The following PON2 variants were observed in gnomAD, a reference collection of about 807,000 sequenced individuals.
PON2 encodes the protein serum paraoxonase/arylesterase 2.
PON2 carries 27 observed loss-of-function variants against 36.6 expected under a neutral mutation model. The ratio of observed to expected loss-of-function variants is 0.74; its 90% confidence interval spans 0.54 to 1.02. The LOEUF (loss-of-function observed/expected upper bound fraction) is 1.02. Among genes scored for constraint, PON2 ranks in the 50% least tolerant of loss-of-function variants. The pLI is 0.00. For synonymous variants in PON2, 149 were observed against 156.3 expected, an observed-to-expected ratio of 0.95 and a Z score of 0.35; for missense variants, 363 against 421.1, an observed-to-expected ratio of 0.86 and a Z score of 1.21.
intron 2 of PON2, chr7:95,424,222 T>C: frequency 2.4e-6 from 1 of 422,736 alleles, no homozygotes; most frequent in East Asian, 4.9e-5. Context: ...CGGCCATACC[T>C]GACAAACAAT....
At chr7:95,411,343 G>C (rs1788917679) in intron 5 of PON2, among the ~76,000 whole-genome samples, 1 of 152,140 alleles carries the variant, frequency 6.6e-6, no homozygotes, top group African/African-American at 2.4e-5. Flanking sequence ...AAATGTTAGG[G>C]TTTGCCTTCT....
rs760124163 is a variant in PON2, at chr7:95,410,240, A to G, written c.495-139T>C. On this transcript the variant is annotated intron_variant, in intron 5 of 8. Transcript: ENST00000222572. ...AAAAGACGAGCTAAAAATCACGACTATAGTCATATACAATATACTATAATA... is the reference window on the plus strand; with the variant it reads ...AAAAGACGAGCTAAAAATCACGACTGTAGTCATATACAATATACTATAATA... The G allele has an allele frequency of 2.9e-5, 21 of 721,570 alleles. No individual in the cohort carries two copies. In the Admixed American group the frequency reaches 4.3e-4, roughly 15 times the overall value. 44.7% of individuals were successfully genotyped at this position (721,570 alleles called of 1,614,324 possible). A position where few individuals can be genotyped will look rare whatever the true frequency, so the allele number is the denominator to read the frequency against.
intron 3 of PON2, chr7:95,412,724 T>C: frequency 4.0e-6 from 2 of 506,106 alleles, no homozygotes; most frequent in Non-Finnish European, 7.1e-6. Flanking sequence ...AGAAGGTTGG[T>C]GGACTAGGTG....
At position 95,409,904 on chromosome 7, in the gene PON2, T is replaced by C. The variant is rs772238253; in HGVS notation, c.692A>G (p.Asp231Gly). The C allele has an allele frequency of 5.6e-6, 9 of 1,612,422 alleles. No individual in the cohort carries two copies. Among genetic ancestry groups the C allele is most frequent in the East Asian group, 2.2e-5 (1 of 44,850 alleles). Reference protein sequence around the residue: ...SANGINISPDDKYIYVADILA... With the variant: ...SANGINISPDGKYIYVADILA... ...GATATTCTATAAGGGGCCATACTTA[T>C]CATCAGGTGAAATATTGATCCCATT... The change falls in exon 6 of 9, where the codon GAT (aspartate) becomes GGT (glycine). Residue 231 changes from aspartate to glycine, a missense_variant. Physicochemically the swap from Asp to Gly is moderately conservative, Grantham distance 94. Transcript: ENST00000222572.
chr7:95,412,165 T>G lies in PON2; in HGVS notation c.367+147A>C, dbSNP rs561286834. 8.6e-5 allele frequency: 97 copies of G among 1,124,588 alleles called. 1 individual carries two copies. In the African/African-American group the frequency reaches 1.3e-3, roughly 16 times the overall value. The allele number at this position is 1,124,588 out of a possible 1,614,324, so 69.7% of individuals were successfully genotyped here. On this transcript the variant is annotated intron_variant, in intron 4 of 8. Coordinates refer to ENST00000222572, the MANE Select transcript of PON2 (RefSeq NM_000305.3). The stretch of plus-strand genomic sequence containing the variant: ...ACTTACTGCCAGCTGAAGAGGCAAA[T>G]GAACAAGTTCTTTGTAATGAAGAAT...
In PON2 at chr7:95,405,146, C is replaced by T. The variant is rs892166959; in HGVS notation, c.*184G>A. Reference sequence around the variant, plus strand: ...TCCCTTGCTTGGCATTTTAAAGAACCTGTTCATTTTCCTTTTTTGTTAAAA... The same window carrying T: ...TCCCTTGCTTGGCATTTTAAAGAACTTGTTCATTTTCCTTTTTTGTTAAAA... On this transcript the variant is annotated 3_prime_UTR_variant, in exon 9 of 9. Transcript: ENST00000222572. 1.7e-6 allele frequency: 1 copy of T among 598,696 alleles called. No homozygotes were observed. 37.1% of individuals were successfully genotyped at this position (598,696 alleles called of 1,614,324 possible).
At chr7:95,428,690 A>C (rs17876071) in intron 1 of PON2, among the ~76,000 whole-genome samples, 6 of 152,218 alleles carry the variant, frequency 3.9e-5, no homozygotes, top group Non-Finnish European at 7.3e-5. Context: ...GCTTGGTAGC[A>C]GTATTTAATT....
At chr7:95,429,462 T>C (rs1181746500) in intron 1 of PON2, among the ~76,000 whole-genome samples, 1 of 152,204 alleles carries the variant, frequency 6.6e-6, no homozygotes, top group Non-Finnish European at 1.5e-5. Flanking sequence ...GTTCCAAGTC[T>C]TTGCTATTGT....
chr7:95,431,799 G>A (rs1789448501), intron 1 of PON2, among the ~76,000 whole-genome samples: 1 of 151,540 alleles, frequency 6.6e-6, no homozygotes, highest in Non-Finnish European at 1.5e-5. Context: ...TAAAATACAG[G>A]GTACCCAGTG....
chr7:95,427,158 A>G lies in PON2; in HGVS notation c.75-2573T>C, dbSNP rs1585763678. Among the ~76,000 whole-genome samples the G allele has an allele frequency of 5.9e-5, 9 of 152,120 alleles. No homozygotes were observed. The South Asian group carries it at 1.9e-3, about 31-fold the overall frequency. On this transcript the variant is annotated intron_variant, in intron 1 of 8. Transcript: ENST00000222572. ...ATTTTTTTCTTGGCTTTCCTTTTTG[A>G]TAAAAGAAAATGAAGGTTTTGCCTT... is the stretch of plus-strand genomic sequence containing the variant.
At chr7:95,414,306 G>A (rs1488645890) in intron 3 of PON2, among the ~76,000 whole-genome samples, 3 of 152,240 alleles carry the variant, frequency 2.0e-5, no homozygotes, top group Non-Finnish European at 1.5e-5. Context: ...TTATTTAGAA[G>A]AGAGTACACT....
chr7:95,407,667 G>T (rs1809738835), intron 6 of PON2, among the ~76,000 whole-genome samples: 2 of 152,182 alleles, frequency 1.3e-5, no homozygotes, highest in Non-Finnish European at 2.9e-5. Context: ...GAAAAGCCAT[G>T]AACTCAGTGT....
In PON2 at chr7:95,417,690, G is replaced by GACACACAC. The variant is rs555142509; in HGVS notation, c.146-1401_146-1394dup. ...CACAGCACATACACATGTACACACA[G>GACACACAC]ACACACACACACACACACACACACA... On this transcript the variant is annotated intron_variant, in intron 2 of 8. Transcript: ENST00000222572. Among the ~76,000 whole-genome samples, 252 of 93,870 alleles carry GACACACAC rather than the reference G, an allele frequency of 2.7e-3. 1 individual carries two copies. Among genetic ancestry groups the GACACACAC allele is most frequent in the African/African-American group, 8.4e-3 (227 of 27,144 alleles). The allele number at this position is 93,870 out of a possible 152,430, so 61.6% of individuals were successfully genotyped here. A position where few individuals can be genotyped will look rare whatever the true frequency, so the allele number is the denominator to read the frequency against.
intron 2 of PON2, among the ~76,000 whole-genome samples, chr7:95,423,532 A>G (rs907394426): frequency 1.6e-4 from 24 of 151,972 alleles, no homozygotes; most frequent in Non-Finnish European, 8.8e-5. Flanking sequence ...ATCTGGACAG[A>G]TCCCTCCTTA....
intron 1 of PON2, among the ~76,000 whole-genome samples, chr7:95,428,720 T>C (rs1235343013): frequency 6.6e-6 from 1 of 152,264 alleles, no homozygotes; most frequent in Non-Finnish European, 1.5e-5. Context: ...TGTAATCCTA[T>C]ATATTTTATT....
intron 2 of PON2, 52 bp downstream of exon 2, chr7:95,424,463 T>C (rs1199987687): frequency 6.9e-7 from 1 of 1,449,566 alleles, no homozygotes; most frequent in African/African-American, 1.4e-5. Flanking sequence ...AGTGTTTTAA[T>C]GTTAATGGCC....
rs760120671 is a variant in PON2 at position 95,406,173 on chromosome 7, A to C, written c.852T>G (p.His284Gln). The C allele has an allele frequency of 3.7e-6, 6 of 1,613,504 alleles. No individual in the cohort carries two copies. In the African/African-American group the frequency reaches 8.0e-5, roughly 22 times the overall value. Residue 284 changes from histidine (H) to glutamine (Q), a missense_variant, in exon 8 of 9, where the codon CAT becomes CAG. Physicochemically the swap from His to Gln is conservative, Grantham distance 24. Coordinates refer to ENST00000222572, the MANE Select transcript of PON2 (RefSeq NM_000305.3). ...PSSGDIWVGC[H>Q]PNGQKLFVYD... ...ACACGAAGAGCTTCTGGCCATTAGG[A>C]TGACAGCCTACCCAGATGTCCCCCG...
Position 95,407,007 on chromosome 7 carries a change from T to G in PON2, c.757A>C (p.Met253Leu). Residue 253 changes from methionine (M) to leucine (L), a missense_variant, in exon 7 of 9, where the codon ATG becomes CTG. Transcript: ENST00000222572. The part of the protein sequence containing the change: ...EIHVLEKHTN[M>L]NLTQLKVLEL... ...TTTACCTTCAACTGAGTTAAATTCATATTAGTGTGTTTTTCCAAAACATGA... is the reference window on the plus strand; with the variant it reads ...TTTACCTTCAACTGAGTTAAATTCAGATTAGTGTGTTTTTCCAAAACATGA... 1 of 1,568,830 alleles carries G rather than the reference T, an allele frequency of 6.4e-7. No homozygotes were observed. The highest frequency in any genetic ancestry group is 8.8e-7 in the Non-Finnish European group (1 of 1,139,838).
At position 95,426,263 on chromosome 7, in the gene PON2, C is replaced by CAGAG. The variant is rs1554340815; in HGVS notation, c.75-1682_75-1679dup. Among the ~76,000 whole-genome samples the CAGAG allele has an allele frequency of 1.9e-4, 29 of 151,544 alleles. 1 individual carries two copies. The East Asian group carries it at 5.0e-3, about 26-fold the overall frequency. ...CTAAAATAAAATTGAAATTATAAAA[C>CAGAG]AGAGAGAGAAAAAAAAAGTTTATGT... On this transcript the variant is annotated intron_variant, in intron 1 of 8. Transcript: ENST00000222572.
Sources: gnomAD v4.1 joint callset for allele counts (sites outside exome capture counted in the v4.1 genomes callset) on GRCh38, gnomAD v4.1.1 for gene constraint, MANE v1.5 for transcripts, NCBI Gene and HGNC (gene_info 2026-07-23, HGNC 2026-07-21) for gene names.